RAI14: variants seen among roughly 807,000 people sequenced by gnomAD.
RAI14 encodes ankycorbin.
Under a neutral mutation model 115.4 loss-of-function variants are expected in RAI14, and 45 were observed. The observed-to-expected ratio is 0.39, with a 90% CI of 0.31 to 0.50. The LOEUF (loss-of-function observed/expected upper bound fraction) is 0.50. Ranked by LOEUF, RAI14 falls within the 20% of genes least tolerant of loss-of-function variation. The probability of loss-of-function intolerance (pLI) is 0.85; values close to 1 mark genes in which losing one functional copy is unlikely to be tolerated. For synonymous variants in RAI14, 371 were observed against 415.4 expected, an observed-to-expected ratio of 0.89 and a Z score of 1.30; for missense variants, 939 against 1,131.2, an observed-to-expected ratio of 0.83 and a Z score of 2.44.
At chr5:34,802,068 G>A (rs1168117226) in intron 4 of RAI14, among the ~76,000 whole-genome samples, 1 of 152,088 alleles carries the variant, frequency 6.6e-6, no homozygotes, top group South Asian at 2.1e-4. Context: ...AAAAGAAATT[G>A]TTCCTCGAAG....
rs1013769230 is a variant in RAI14 at position 34,828,552 on chromosome 5, T to G, written c.2800-1180T>G. Among the ~76,000 whole-genome samples the G allele has an allele frequency of 3.4e-5, 4 of 118,274 alleles. No homozygotes were observed. In the East Asian group the frequency reaches 9.2e-4, roughly 27 times the overall value. 77.6% of individuals were successfully genotyped at this position (118,274 alleles called of 152,430 possible). ...AAAGGACGGGTTTTAAAATGTCCCT[T>G]AATAACAGGAAAGATACCTCATACT... is the stretch of plus-strand genomic sequence containing the variant. On this transcript the variant is annotated intron_variant, in intron 16 of 17. Coordinates refer to ENST00000265109, the MANE Select transcript of RAI14 (RefSeq NM_015577.3).
intron 3 of RAI14, among the ~76,000 whole-genome samples, chr5:34,792,235 C>CT (rs55986330): frequency 0.21 from 27,150 of 126,860 alleles, 4,170 homozygotes; most frequent in African/African-American, 0.39. Flanking sequence ...TTTCTTTTTT[C>CT]TTTTTTTTTT....
chr5:34,674,071 C>T (rs985770309), intron 1 of RAI14, among the ~76,000 whole-genome samples: 2 of 152,034 alleles, frequency 1.3e-5, no homozygotes, highest in Non-Finnish European at 2.9e-5. Flanking sequence ...GGAGGCCTAC[C>T]TTCATGTGAG....
chr5:34,773,466 G>T (rs559859559), intron 3 of RAI14, among the ~76,000 whole-genome samples: 2 of 152,290 alleles, frequency 1.3e-5, no homozygotes, highest in South Asian at 4.1e-4. Flanking sequence ...AAAGTGAAGA[G>T]ACAACCTGTC....
intron 2 of RAI14, among the ~76,000 whole-genome samples, chr5:34,718,593 C>T (rs1742276550): frequency 6.6e-6 from 1 of 152,242 alleles, no homozygotes; most frequent in African/African-American, 2.4e-5. Flanking sequence ...CCTCTGCCCT[C>T]CCCCGTTCTC....
At position 34,826,366 on chromosome 5, in the gene RAI14, G is replaced by C; in HGVS notation, c.2686G>C (p.Glu896Gln). 6.2e-7 allele frequency: 1 copy of C among 1,613,870 alleles called. No individual in the cohort carries two copies. Among genetic ancestry groups the C allele is most frequent in the Non-Finnish European group, 8.5e-7 (1 of 1,179,870 alleles). ...GTCGAAGGAAGTCACCAAATTGAAG[G>C]AGGCCTTGAACAGCCTCTCCCAGCT... ...EMSKEVTKLK[E>Q]ALNSLSQLSY... is the part of the protein sequence containing the mutation. The change falls in exon 16 of 18, where the codon GAG becomes CAG. Residue 896 changes from glutamate to glutamine, a missense_variant. By Grantham distance (29) the Glu-to-Gln change is conservative. Coordinates refer to ENST00000265109, the MANE Select transcript of RAI14 (RefSeq NM_015577.3).
chr5:34,659,256 G>C (rs1232233265), intron 1 of RAI14, among the ~76,000 whole-genome samples: 2 of 152,128 alleles, frequency 1.3e-5, no homozygotes, highest in Non-Finnish European at 2.9e-5. Context: ...GAGTAAGTTA[G>C]GGTTTCTGGT....
At chr5:34,816,384 G>C (rs1313346651) in intron 12 of RAI14, among the ~76,000 whole-genome samples, 1 of 151,878 alleles carries the variant, frequency 6.6e-6, no homozygotes, top group East Asian at 1.9e-4. Flanking sequence ...GTTATTCTCT[G>C]TTGTCTTACT....
chr5:34,798,618 C>A (rs928194320), intron 4 of RAI14, among the ~76,000 whole-genome samples: 2 of 152,102 alleles, frequency 1.3e-5, no homozygotes, highest in African/African-American at 4.8e-5. Flanking sequence ...TTCTTGGTGG[C>A]CTCATAACAC....
intron 4 of RAI14, among the ~76,000 whole-genome samples, chr5:34,796,787 C>T (rs1753590681): frequency 6.6e-6 from 1 of 151,900 alleles, no homozygotes; most frequent in Non-Finnish European, 1.5e-5. Flanking sequence ...CACCTGGGAA[C>T]TTGAAGGAAG....
chr5:34,795,629 T>G (rs756589778), intron 3 of RAI14, among the ~76,000 whole-genome samples: 17 of 152,354 alleles, frequency 1.1e-4, no homozygotes, highest in Non-Finnish European at 2.4e-4. Flanking sequence ...ACTTTCTGAT[T>G]TGTTTCATCA....
intron 17 of RAI14, 92 bp from the exon 18 acceptor site, chr5:34,830,596 C>T: frequency 6.3e-7 from 1 of 1,582,316 alleles, no homozygotes; most frequent in Non-Finnish European, 8.6e-7. Flanking sequence ...TAGCCCAGGT[C>T]TTCATTGCAG....
chr5:34,766,014 T>G (rs1749297786), intron 3 of RAI14, among the ~76,000 whole-genome samples: 1 of 152,230 alleles, frequency 6.6e-6, no homozygotes, highest in South Asian at 2.1e-4. Flanking sequence ...CACATGATGT[T>G]GAGCTTACAA....
At chr5:34,702,446 G>T (rs13180209) in intron 2 of RAI14, among the ~76,000 whole-genome samples, 74,150 of 151,940 alleles carry the variant, frequency 0.49, 18,284 homozygotes, top group Middle Eastern at 0.53. Flanking sequence ...AGCCCCTCAC[G>T]CCAGCCTGGG....
At chr5:34,817,284 A>AAAG (rs1554011295) in intron 12 of RAI14, among the ~76,000 whole-genome samples, 3 of 151,710 alleles carry the variant, frequency 2.0e-5, no homozygotes, top group Admixed American at 6.6e-5. Context: ...AAAAAAAAAA[A>AAAG]AAAAAGAAAA....
intron 4 of RAI14, among the ~76,000 whole-genome samples, chr5:34,797,987 C>T (rs1056192178): frequency 6.6e-6 from 1 of 152,202 alleles, no homozygotes; most frequent in Middle Eastern, 3.2e-3. Context: ...AATCTTCCCT[C>T]ACGTCTTTTT....
chr5:34,656,579 G>A (rs1420893072), intron 1 of RAI14, 104 bp downstream of exon 1: 1 of 152,480 alleles, frequency 6.6e-6, no homozygotes, highest in East Asian at 1.9e-4. Context: ...TGGGGACGGC[G>A]CCCGGGCGGA....
At chr5:34,780,173 TAGAA>T (rs1206394254) in intron 3 of RAI14, among the ~76,000 whole-genome samples, 12 of 152,134 alleles carry the variant, frequency 7.9e-5, no homozygotes, top group Non-Finnish European at 1.8e-4. Flanking sequence ...TAGCCATATG[TAGAA>T]AGCTGAAACT....
chr5:34,774,208 G>A (rs1750548715), intron 3 of RAI14, among the ~76,000 whole-genome samples: 1 of 150,262 alleles, frequency 6.7e-6, no homozygotes, highest in East Asian at 2.0e-4. Flanking sequence ...AAAAAAAATA[G>A]CCAGACATTG....
Sources: allele counts gnomAD v4.1 joint callset (sites outside exome capture counted in the v4.1 genomes callset), GRCh38; gene constraint gnomAD v4.1.1; transcripts MANE v1.5; gene names NCBI Gene and HGNC (gene_info 2026-07-23, HGNC 2026-07-21).